The following QKI variants were observed in gnomAD, a reference collection of about 807,000 sequenced individuals.
QKI encodes the protein KH domain-containing RNA-binding protein QKI.
In QKI, 10 loss-of-function variants were observed where a neutral mutation model predicts 39.0. That is an observed-to-expected ratio of 0.26 (90% CI 0.16 to 0.43). The LOEUF (loss-of-function observed/expected upper bound fraction) is 0.43. QKI is among the 20% of genes least tolerant of loss of function. The probability of loss-of-function intolerance (pLI) is 1.00; values close to 1 mark genes in which losing one functional copy is unlikely to be tolerated. For missense variants in QKI, 218 were observed against 428.0 expected (o/e 0.51, Z 4.33); for synonymous variants, 204 against 155.4 (o/e 1.31, Z -2.33).
At position 163,423,985 on chromosome 6, in the gene QKI, G is replaced by GAGGT. The variant is rs1201504608; in HGVS notation, c.142+8651_142+8654dup. Among the ~76,000 whole-genome samples, 3 of 152,198 alleles carry GAGGT rather than the reference G, an allele frequency of 2.0e-5. No individual in the cohort carries two copies. In the South Asian group the frequency reaches 6.2e-4, roughly 31 times the overall value. ...TAGATAACTGAAGAGTGACACCCAG[G>GAGGT]AGGTGGATGGTTATGAATTGAATGG... is the stretch of plus-strand genomic sequence containing the variant. On this transcript the variant is annotated intron_variant, in intron 1 of 7. Transcript: ENST00000361752.
intron 3 of QKI, among the ~76,000 whole-genome samples, chr6:163,520,477 A>G (rs1780080954): frequency 6.6e-6 from 1 of 152,110 alleles, no homozygotes; most frequent in Non-Finnish European, 1.5e-5. Flanking sequence ...ATTGTAATTC[A>G]TGAAGGAAGA....
chr6:163,565,356 G>A, intron 6 of QKI: 1 of 986,188 alleles, frequency 1.0e-6, no homozygotes, highest in Non-Finnish European at 1.2e-6. Flanking sequence ...GGGGCTCTTA[G>A]CCACCAGCTG....
intron 3 of QKI, among the ~76,000 whole-genome samples, chr6:163,515,850 C>T (rs1779759147): frequency 6.6e-6 from 1 of 152,084 alleles, no homozygotes; most frequent in Admixed American, 6.6e-5. Context: ...CAAAATAAGT[C>T]CAGCAATTGA....
chr6:163,554,507 A>G, intron 4 of QKI, among the ~76,000 whole-genome samples: 1 of 152,234 alleles, frequency 6.6e-6, no homozygotes, highest in East Asian at 1.9e-4. Context: ...TACCAGCTGT[A>G]TAGGATAAGT....
chr6:163,427,222 C>A (rs377764400), intron 1 of QKI, among the ~76,000 whole-genome samples: 1 of 123,272 alleles, frequency 8.1e-6, no homozygotes, highest in East Asian at 2.4e-4. Context: ...TTTAACGTTA[C>A]TGTTAATTTT....
intron 2 of QKI, among the ~76,000 whole-genome samples, chr6:163,476,427 C>T (rs780158941): frequency 9.9e-5 from 15 of 151,884 alleles, no homozygotes; most frequent in Non-Finnish European, 1.9e-4. Context: ...AAGTGTGAAA[C>T]AATGAAAATC....
chr6:163,477,263 C>T (rs767491216), intron 2 of QKI, among the ~76,000 whole-genome samples: 29 of 152,196 alleles, frequency 1.9e-4, no homozygotes, highest in Middle Eastern at 3.4e-3. Context: ...TGATCCACCC[C>T]GTCTTGGCCT....
rs1468711187 is a variant in QKI at position 163,455,331 on chromosome 6, A to G, written c.195A>G (p.Thr65=). Reference sequence around the variant, plus strand: ...ACAATGACACATTAAATGGCAGTACAGAGAAAAGGAGTGCAGAATTGCCTG... The same window carrying G: ...ACAATGACACATTAAATGGCAGTACGGAGAAAAGGAGTGCAGAATTGCCTG... ...DMYNDTLNGS[T]EKRSAELPDA... The change falls in exon 2 of 8, where the codon ACA becomes ACG. Residue 65 remains threonine, a synonymous_variant. Coordinates refer to ENST00000361752, the MANE Select transcript of QKI (RefSeq NM_006775.3). 1 of 1,613,484 alleles carries G rather than the reference A, an allele frequency of 6.2e-7. No homozygotes were observed. Among genetic ancestry groups the G allele is most frequent in the South Asian group, 1.1e-5 (1 of 91,058 alleles).
intron 3 of QKI, among the ~76,000 whole-genome samples, chr6:163,527,640 C>T (rs1356560093): frequency 6.6e-6 from 1 of 152,128 alleles, no homozygotes; most frequent in Admixed American, 6.5e-5. Context: ...TTTTAAACTT[C>T]ATAGGGCAGC....
intron 1 of QKI, among the ~76,000 whole-genome samples, chr6:163,421,933 C>T (rs1335211024): frequency 3.3e-5 from 5 of 151,632 alleles, no homozygotes; most frequent in African/African-American, 1.2e-4. Flanking sequence ...TTAGTAGAGA[C>T]GGGGTTTCAC....
At chr6:163,549,907 G>GT (rs1782122469) in intron 4 of QKI, among the ~76,000 whole-genome samples, 1 of 152,018 alleles carries the variant, frequency 6.6e-6, no homozygotes, top group African/African-American at 2.4e-5. Context: ...GTTTGTATTT[G>GT]TTGAACAAAT....
At chr6:163,462,434 A>G (rs1791423309) in intron 2 of QKI, among the ~76,000 whole-genome samples, 2 of 152,136 alleles carry the variant, frequency 1.3e-5, no homozygotes, top group South Asian at 4.1e-4. Context: ...TACTTGTTTC[A>G]TATTGGTATA....
chr6:163,479,517 G>T (rs1441037833), intron 3 of QKI, among the ~76,000 whole-genome samples: 4 of 150,560 alleles, frequency 2.7e-5, no homozygotes, highest in Non-Finnish European at 5.9e-5. Context: ...GATTACAGGC[G>T]CACGCCGCCA....
chr6:163,415,794 G>A (rs1019854370), intron 1 of QKI: 5 of 423,996 alleles, frequency 1.2e-5, no homozygotes, highest in Non-Finnish European at 2.4e-5. Flanking sequence ...TGCTCTGCGC[G>A]GACCCCCACC....
intron 3 of QKI, among the ~76,000 whole-genome samples, chr6:163,497,478 A>T (rs1778483554): frequency 6.6e-6 from 1 of 151,924 alleles, no homozygotes; most frequent in Non-Finnish European, 1.5e-5. Flanking sequence ...AATTTTTTTT[A>T]ACTTATTAAA....
rs1787369941 is a variant in QKI at position 163,415,464 on chromosome 6, C to T, written c.142+129C>T. The T allele has an allele frequency of 3.4e-6, 3 of 881,040 alleles. No individual in the cohort carries two copies. The South Asian group carries it at 7.5e-5, about 22-fold the overall frequency. The allele number at this position is 881,040 out of a possible 1,614,324, so 54.6% of individuals were successfully genotyped here. On this transcript the variant is annotated intron_variant, in intron 1 of 7. Coordinates refer to ENST00000361752, the MANE Select transcript of QKI (RefSeq NM_006775.3). ...CCGAGCGCCGGGGGGACTGGGAGGC[C>T]AGGAGGGCGCACAAAGGAGGTGCCG...
At chr6:163,466,937 A>G (rs950879836) in intron 2 of QKI, among the ~76,000 whole-genome samples, 2 of 152,112 alleles carry the variant, frequency 1.3e-5, no homozygotes, top group East Asian at 1.9e-4. Flanking sequence ...TGAAAAGGCA[A>G]CCTACAGAAT....
chr6:163,508,491 T>TTTTTTC (rs1460021782), intron 3 of QKI, among the ~76,000 whole-genome samples: 2 of 151,582 alleles, frequency 1.3e-5, no homozygotes, highest in Admixed American at 6.6e-5. Context: ...TAAAATATCT[T>TTTTTTC]TTTTTCTTTT....
intron 1 of QKI, among the ~76,000 whole-genome samples, chr6:163,433,479 A>G (rs1025660563): frequency 6.6e-6 from 1 of 152,160 alleles, no homozygotes; most frequent in South Asian, 2.1e-4. Context: ...ATAAGAATGA[A>G]CCACAGGCCG....
Sources: gnomAD v4.1 joint callset for allele counts (sites outside exome capture counted in the v4.1 genomes callset) on GRCh38, gnomAD v4.1.1 for gene constraint, MANE v1.5 for transcripts, NCBI Gene and HGNC (gene_info 2026-07-23, HGNC 2026-07-21) for gene names.